The following ERCC6L variants were observed in gnomAD, a reference collection of about 807,000 sequenced individuals.
ERCC6L encodes the protein ERCC excision repair 6 like, spindle assembly checkpoint helicase, also known as DNA excision repair protein ERCC-6-like.
ERCC6L carries 7 observed loss-of-function variants against 20.1 expected under a neutral mutation model. The observed-to-expected ratio is 0.35, with a 90% CI of 0.20 to 0.65. The LOEUF (loss-of-function observed/expected upper bound fraction) is 0.65, where lower values mean the gene tolerates loss of function less well. ERCC6L is among the 30% of genes least tolerant of loss of function. ERCC6L has a pLI of 0.69. For missense variants in ERCC6L, 592 were observed against 892.4 expected (o/e 0.66, Z 4.29); for synonymous variants, 278 against 331.3 (o/e 0.84, Z 1.75).
At chrX:72,212,329 G>T (rs1602439871) in intron 1 of ERCC6L, among the ~76,000 whole-genome samples, 1 of 110,831 alleles carries the variant, frequency 9.0e-6, no homozygotes, top group East Asian at 2.8e-4. Context: ...TTCCTCAGAT[G>T]CAAACATTTT....
intron 1 of ERCC6L, among the ~76,000 whole-genome samples, chrX:72,219,350 T>G (rs962438597): frequency 2.7e-5 from 3 of 109,361 alleles, no homozygotes; most frequent in Non-Finnish European, 5.7e-5. Flanking sequence ...GGTCAGGAGT[T>G]TGAGACCAGC....
intron 1 of ERCC6L, among the ~76,000 whole-genome samples, chrX:72,227,994 T>C (rs188732688): frequency 9.0e-6 from 1 of 111,688 alleles, no homozygotes; most frequent in African/African-American, 3.2e-5. Flanking sequence ...TCCTCTTCCT[T>C]ATTTGAAGGT....
intron 1 of ERCC6L, among the ~76,000 whole-genome samples, chrX:72,228,248 A>G (rs1394287304): frequency 8.9e-6 from 1 of 112,428 alleles, no homozygotes; most frequent in Non-Finnish European, 1.9e-5. Flanking sequence ...CTCTTTCTGC[A>G]GAAAGTAAAA....
chrX:72,204,964 A>G lies in ERCC6L; in HGVS notation c.*50T>C. On this transcript the variant is annotated 3_prime_UTR_variant, in exon 2 of 2. Coordinates refer to ENST00000334463, the MANE Select transcript of ERCC6L (RefSeq NM_017669.4). ...AAAGAATCCAATTATGGGAACAAAA[A>G]TTCCCTCATATTCAGTTTCACTTTA... The G allele has an allele frequency of 5.2e-6, 5 of 966,475 alleles. No homozygotes were observed. Among genetic ancestry groups the G allele is most frequent in the East Asian group, 3.2e-5 (1 of 31,593 alleles). 79.6% of individuals were successfully genotyped at this position (966,475 alleles called of 1,213,427 possible). A position where few individuals can be genotyped will look rare whatever the true frequency, so the allele number is the denominator to read the frequency against.
In ERCC6L at chrX:72,207,623, T is replaced by C. The variant is rs1258814503; in HGVS notation, c.1144A>G (p.Arg382Gly). Residue 382 changes from arginine (R) to glycine (G), a missense_variant, in exon 2 of 2, where the codon AGG becomes GGG. Physicochemically the swap from Arg to Gly is moderately radical, Grantham distance 125. Coordinates refer to ENST00000334463, the MANE Select transcript of ERCC6L (RefSeq NM_017669.4). ...RLVPLQEEIY[R>G]KFVSLDHIKE... ...ATATGATCTAAAGACACAAATTTCC[T>C]GTATATTTCTTCTTGTAAAGGCACA... 1 of 1,210,822 alleles carries C rather than the reference T, an allele frequency of 8.3e-7. No homozygotes were observed.
At chrX:72,217,154 C>T (rs1346753237) in intron 1 of ERCC6L, among the ~76,000 whole-genome samples, 2 of 111,864 alleles carry the variant, frequency 1.8e-5, no homozygotes. Flanking sequence ...ATGCTTCCTT[C>T]CTGTTTATTC....
chrX:72,219,994 G>A (rs967306526), intron 1 of ERCC6L, among the ~76,000 whole-genome samples: 8 of 111,398 alleles, frequency 7.2e-5, no homozygotes, highest in Admixed American at 2.9e-4. Context: ...GTTAGCTATG[G>A]GATTTTTGTA....
chrX:72,207,452 C>G lies in ERCC6L; in HGVS notation c.1315G>C (p.Glu439Gln). 1.7e-6 allele frequency: 2 copies of G among 1,210,965 alleles called. No individual in the cohort carries two copies. Among genetic ancestry groups the G allele is most frequent in the Non-Finnish European group, 2.2e-6 (2 of 895,126 alleles). ...ATATGGTCCACATCTGGGGAATCTT[C>G]CCCCTCATTTCCATCTTGAGCAGAG... is the stretch of plus-strand genomic sequence containing the variant. ...TFSAQDGNEG[E>Q]DSPDVDHIDQ... is the part of the protein sequence containing the mutation. Residue 439 changes from glutamate (E) to glutamine (Q), a missense_variant, in exon 2 of 2, where the codon GAA (glutamate) becomes CAA (glutamine). This residue lies in a region of ERCC6L where 196 missense variants were observed against 440.1 expected (regional missense o/e 0.45). Coordinates refer to ENST00000334463, the MANE Select transcript of ERCC6L (RefSeq NM_017669.4).
At chrX:72,208,731 A>G in intron 1 of ERCC6L, 33 bp from the exon 2 acceptor site, 3 of 1,093,534 alleles carry the variant, frequency 2.7e-6, no homozygotes, top group Non-Finnish European at 3.7e-6. Context: ...AGGAGAAAGG[A>G]AACATTGAAC....
Position 72,207,273 on chromosome X carries a change from A to C in ERCC6L, c.1494T>G (p.Asn498Lys). 8.3e-7 allele frequency: 1 copy of C among 1,210,826 alleles called. No individual in the cohort carries two copies. Residue 498 changes from asparagine (N) to lysine (K), a missense_variant, in exon 2 of 2, where the codon AAT (asparagine) becomes AAG (lysine). Physicochemically the swap from Asn to Lys is moderately conservative, Grantham distance 94. Transcript: ENST00000334463. ...ILNIIERLLKNRHFKTLRIDG... is the reference protein window; with the variant it reads ...ILNIIERLLKKRHFKTLRIDG... Reference sequence around the variant, plus strand: ...CGATTCGCAATGTCTTAAAGTGCCTATTCTTTAAGAGGCGTTCAATGATGT... The same window carrying C: ...CGATTCGCAATGTCTTAAAGTGCCTCTTCTTTAAGAGGCGTTCAATGATGT...
intron 1 of ERCC6L, among the ~76,000 whole-genome samples, chrX:72,229,093 G>A (rs190406401): frequency 3.9e-4 from 43 of 111,193 alleles, no homozygotes; most frequent in Admixed American, 3.7e-3. Flanking sequence ...TCCCTGCAAC[G>A]CCTCAAGCCT....
rs78660817 is a variant in ERCC6L, at chrX:72,205,325, C to A, written c.3442G>T (p.Gly1148Ter). 1 of 1,210,411 alleles carries A rather than the reference C, an allele frequency of 8.3e-7. No individual in the cohort carries two copies. The highest frequency in any genetic ancestry group is 1.7e-5 in the African/African-American group (1 of 57,287). Residue 1148 changes from glycine (G) to a stop codon, truncating the protein, a stop_gained, in exon 2 of 2, where the codon GGA becomes TGA. Coordinates refer to ENST00000334463, the MANE Select transcript of ERCC6L (RefSeq NM_017669.4). LOFTEE classifies it low-confidence loss of function (END_TRUNC). ...ASKYTEEDPSGETLSSENKSS... is the reference protein window; with the variant it reads ...ASKYTEEDPS ...TTGTTTTCTGAAGACAGTGTTTCTC[C>A]GGAAGGATCCTCTTCTGTATACTTG...
At chrX:72,211,726 G>C (rs996578308) in intron 1 of ERCC6L, among the ~76,000 whole-genome samples, 2 of 110,530 alleles carry the variant, frequency 1.8e-5, no homozygotes, top group African/African-American at 6.6e-5. Context: ...CTAGGCTGCA[G>C]TGAGCCATGA....
At chrX:72,223,367 G>T (rs1298676875) in intron 1 of ERCC6L, among the ~76,000 whole-genome samples, 1 of 104,376 alleles carries the variant, frequency 9.6e-6, no homozygotes, top group African/African-American at 3.5e-5. Context: ...TTAGAGGAAG[G>T]TCCCCAAACA....
Position 72,238,947 on chromosome X carries a change from G to A in ERCC6L, c.-36C>T, listed in dbSNP as rs1207888159. Reference sequence around the variant, plus strand: ...TTGGGTTCCAGTTACCCCGGCGGGAGTTTGGAGCTTGGAGCTTGGAGCTTG... The same window carrying A: ...TTGGGTTCCAGTTACCCCGGCGGGAATTTGGAGCTTGGAGCTTGGAGCTTG... On this transcript the variant is annotated 5_prime_UTR_variant, in exon 1 of 2. Coordinates refer to ENST00000334463, the MANE Select transcript of ERCC6L (RefSeq NM_017669.4). 4 of 1,132,217 alleles carry A rather than the reference G, an allele frequency of 3.5e-6. No homozygotes were observed. Among genetic ancestry groups the A allele is most frequent in the African/African-American group, 1.8e-5 (1 of 54,964 alleles). 93.3% of individuals were successfully genotyped at this position (1,132,217 alleles called of 1,213,427 possible).
intron 1 of ERCC6L, among the ~76,000 whole-genome samples, chrX:72,218,576 C>G (rs2042900909): frequency 9.2e-6 from 1 of 108,539 alleles, no homozygotes; most frequent in South Asian, 4.2e-4. Flanking sequence ...TCACTGCAAC[C>G]TCTGCCTCCC....
At chrX:72,238,776 CG>C in intron 1 of ERCC6L, 67 bp downstream of exon 1, 1 of 1,049,837 alleles carries the variant, frequency 9.5e-7, no homozygotes. Context: ...CAGGAGGATC[CG>C]GGGGCCACCC....
At chrX:72,222,530 GC>G (rs1424427577) in intron 1 of ERCC6L, among the ~76,000 whole-genome samples, 1 of 109,761 alleles carries the variant, frequency 9.1e-6, no homozygotes, top group Non-Finnish European at 1.9e-5. Flanking sequence ...GAACAAAAAT[GC>G]CCATAAGGCA....
chrX:72,234,380 G>C (rs2043004733), intron 1 of ERCC6L, among the ~76,000 whole-genome samples: 1 of 112,052 alleles, frequency 8.9e-6, no homozygotes, highest in African/African-American at 3.2e-5. Context: ...GTTGGATTTA[G>C]TTATATGAAT....
Sources: gnomAD v4.1 joint callset for allele counts (sites outside exome capture counted in the v4.1 genomes callset) on GRCh38, gnomAD v4.1.1 for gene constraint, gnomAD v4.1.1 regional missense constraint, MANE v1.5 for transcripts, NCBI Gene and HGNC (gene_info 2026-07-23, HGNC 2026-07-21) for gene names.